The following CENATAC variants were observed in gnomAD, a reference collection of about 807,000 sequenced individuals.
The protein encoded by CENATAC is coiled-coil domain containing 84.
CENATAC carries 53 observed loss-of-function variants against 53.7 expected under a neutral mutation model. That is an observed-to-expected ratio of 0.99 (90% CI 0.79 to 1.24). CENATAC has a LOEUF of 1.24. Among genes scored for constraint, CENATAC ranks in the 50% most tolerant of loss-of-function variants. The pLI is 0.00. For synonymous variants in CENATAC, 156 were observed against 144.6 expected (o/e 1.08, Z -0.57); for missense variants, 474 against 417.8 (o/e 1.13, Z -1.17).
intron 7 of CENATAC, 53 bp downstream of exon 7, chr11:119,012,307 A>C (rs1592075918): frequency 7.6e-6 from 12 of 1,586,700 alleles, no homozygotes; most frequent in Middle Eastern, 1.8e-4. Flanking sequence ...AGGTCTCAGG[A>C]CCCCTTTCTC....
At chr11:119,006,229 A>G (rs1592061663) in intron 3 of CENATAC, among the ~76,000 whole-genome samples, 1 of 141,450 alleles carries the variant, frequency 7.1e-6, no homozygotes, top group Admixed American at 7.2e-5. Context: ...ACAGGCCACC[A>G]CACCCAACCT....
At position 119,015,738 on chromosome 11, in the gene CENATAC, C is replaced by G; in HGVS notation, c.*140C>G. The G allele has an allele frequency of 7.9e-7, 1 of 1,266,136 alleles. No individual in the cohort carries two copies. Among genetic ancestry groups the G allele is most frequent in the Non-Finnish European group, 1.1e-6 (1 of 884,786 alleles). The allele number at this position is 1,266,136 out of a possible 1,614,324, so 78.4% of individuals were successfully genotyped here. A position where few individuals can be genotyped will look rare whatever the true frequency, so the allele number is the denominator to read the frequency against. On this transcript the variant is annotated 3_prime_UTR_variant, in exon 11 of 11. Coordinates refer to ENST00000334418, the MANE Select transcript of CENATAC (RefSeq NM_198489.3). The stretch of plus-strand genomic sequence containing the variant: ...TTGATTTAATAAAGTTTTATTTTTC[C>G]AAATGTACAGCTGGTTGGACCTGTA...
At position 119,015,541 on chromosome 11, in the gene CENATAC, T is replaced by G; in HGVS notation, c.942T>G (p.His314Gln). The change falls in exon 11 of 11, where the codon CAT (histidine) becomes CAG (glutamine). Residue 314 changes from histidine to glutamine, a missense_variant. His to Gln is a conservative substitution (Grantham distance 24, BLOSUM62 0). Transcript: ENST00000334418. ...WNNGRRWQSR[H>Q]QFKTEAAAMK... is the part of the protein sequence containing the mutation. ...TTAACCCTTTATTTCCTTTCAGACA[T>G]CAATTCAAAACTGAAGCTGCAGCAA... The G allele has an allele frequency of 1.2e-6, 2 of 1,614,072 alleles. No individual in the cohort carries two copies. The highest frequency in any genetic ancestry group is 8.5e-7 in the Non-Finnish European group (1 of 1,179,984).
chr11:119,013,248 G>GT lies in CENATAC; in HGVS notation c.702dup (p.Asn235Ter). The GT allele has an allele frequency of 6.2e-7, 1 of 1,609,638 alleles. No homozygotes were observed. The highest frequency in any genetic ancestry group is 8.5e-7 in the Non-Finnish European group (1 of 1,178,184). ...CAACTACAGGATATACCAGGAGTTG[G>GT]TAACATCCACTCAGGTAAGGTCCAG... is the stretch of plus-strand genomic sequence containing the variant. On this transcript the variant is annotated frameshift_variant, in exon 8 of 11. Coordinates refer to ENST00000334418, the MANE Select transcript of CENATAC (RefSeq NM_198489.3). LOFTEE classifies it high-confidence loss of function.
At chr11:118,998,712 A>G (rs1328041000) in intron 2 of CENATAC, 119 bp downstream of exon 2, 9 of 1,307,980 alleles carry the variant, frequency 6.9e-6, no homozygotes, top group Non-Finnish European at 8.3e-6. Context: ...GGATTGAGTC[A>G]CTTCACAGGT....
At chr11:119,011,380 C>CTTT in intron 5 of CENATAC, 97 bp downstream of exon 5, 8 of 954,518 alleles carry the variant, frequency 8.4e-6, no homozygotes, top group Non-Finnish European at 1.2e-5. Flanking sequence ...TCTTCTTCTT[C>CTTT]TTTTTTTTTT....
Position 118,998,530 on chromosome 11 carries a change from G to A in CENATAC, c.221G>A (p.Arg74Gln), listed in dbSNP as rs1359523573. 2 of 1,604,314 alleles carry A rather than the reference G, an allele frequency of 1.2e-6. No individual in the cohort carries two copies. The highest frequency in any genetic ancestry group is 1.7e-6 in the Non-Finnish European group (2 of 1,175,424). Residue 74 changes from arginine (R) to glutamine (Q), a missense_variant, in exon 2 of 11, where the codon CGG becomes CAG. Coordinates refer to ENST00000334418, the MANE Select transcript of CENATAC (RefSeq NM_198489.3). Reference protein sequence around the residue: ...CWCLCCGCEVREHLSHGNLTV... With the variant: ...CWCLCCGCEVQEHLSHGNLTV... Reference sequence around the variant, plus strand: ...TGCCTGTGCTGCGGCTGTGAGGTGCGGGAACACCTGAGCCATGGAAACCTG... The same window carrying A: ...TGCCTGTGCTGCGGCTGTGAGGTGCAGGAACACCTGAGCCATGGAAACCTG...
intron 3 of CENATAC, among the ~76,000 whole-genome samples, chr11:119,008,489 A>C (rs1388072763): frequency 6.6e-6 from 1 of 152,216 alleles, no homozygotes; most frequent in East Asian, 1.9e-4. Context: ...ACTACAAGGC[A>C]GTATCACTGT....
chr11:118,998,402 G>A (rs375443880), intron 1 of CENATAC, 28 bp from the exon 2 acceptor site: 16 of 1,612,348 alleles, frequency 9.9e-6, no homozygotes, highest in Admixed American at 1.7e-5. Flanking sequence ...GGTCCCCCTC[G>A]GGGTTCTACT....
At position 119,011,073 on chromosome 11, in the gene CENATAC, C is replaced by G. The variant is rs911539650; in HGVS notation, c.451-148C>G. ...ACCACTGATCTGACAGGAGCTCAGG[C>G]GGCAGTGCTGTTGCAGCCTGCTTCC... On this transcript the variant is annotated intron_variant, in intron 4 of 10. Coordinates refer to ENST00000334418, the MANE Select transcript of CENATAC (RefSeq NM_198489.3). The G allele has an allele frequency of 1.3e-5, 9 of 680,346 alleles. No individual in the cohort carries two copies. The Admixed American group carries it at 2.5e-4, about 19-fold the overall frequency. The allele number at this position is 680,346 out of a possible 1,614,324, so 42.1% of individuals were successfully genotyped here.
At chr11:119,011,200 T>TA in intron 4 of CENATAC, 21 bp from the exon 5 acceptor site, 1 of 1,611,446 alleles carries the variant, frequency 6.2e-7, no homozygotes, top group South Asian at 1.1e-5. Flanking sequence ...TGTACCTGTC[T>TA]AAGCAGCCTC....
chr11:119,007,476 C>G (rs1356355165), intron 3 of CENATAC, among the ~76,000 whole-genome samples: 3 of 152,058 alleles, frequency 2.0e-5, no homozygotes, highest in African/African-American at 7.2e-5. Context: ...ACCACCTAAT[C>G]TGGCCTTTTT....
intron 8 of CENATAC, 69 bp downstream of exon 8, chr11:119,013,331 C>G: frequency 8.0e-7 from 1 of 1,243,940 alleles, no homozygotes; most frequent in South Asian, 1.3e-5. Flanking sequence ...GAGTCTTGTT[C>G]TGTCGCCAGG....
At chr11:119,005,480 AT>A (rs1555185335) in intron 3 of CENATAC, among the ~76,000 whole-genome samples, 39 of 143,908 alleles carry the variant, frequency 2.7e-4, no homozygotes, top group African/African-American at 4.6e-4. Flanking sequence ...AAAAAAAAAA[AT>A]TTTTTTTTTT....
rs560092016 is a variant in CENATAC, at chr11:118,998,493, C to A, written c.184C>A (p.Arg62=). Residue 62 remains arginine, a synonymous_variant, in exon 2 of 11, where the codon CGA becomes AGA. Transcript: ENST00000334418. ...QVERYVPEHE[R]CCWCLCCGCE... ...GGAGCGCTATGTGCCCGAACACGAG[C>A]GATGCTGCTGGTGCCTGTGCTGCGG... The A allele has an allele frequency of 6.2e-7, 1 of 1,613,156 alleles. No individual in the cohort carries two copies. Among genetic ancestry groups the A allele is most frequent in the South Asian group, 1.1e-5 (1 of 90,900 alleles).
At chr11:118,998,866 C>G (rs1942147458) in intron 2 of CENATAC, 145 bp from the exon 3 acceptor site, 1 of 709,210 alleles carries the variant, frequency 1.4e-6, no homozygotes, top group Non-Finnish European at 2.3e-6. Context: ...GACACGAGAT[C>G]TTGAAGAGAT....
At chr11:119,006,514 C>T (rs1256271141) in intron 3 of CENATAC, among the ~76,000 whole-genome samples, 8 of 152,030 alleles carry the variant, frequency 5.3e-5, no homozygotes, top group South Asian at 4.1e-4. Context: ...GGATTACAGG[C>T]GTAAGCCACC....
chr11:119,015,561 CAG>C lies in CENATAC; in HGVS notation c.963_964del (p.Ala322AsnfsTer76). ...AGACATCAATTCAAAACTGAAGCTG[CAG>C]CAATGAAGAAGCAGTCACATACAGA... On this transcript the variant is annotated frameshift_variant, in exon 11 of 11. Transcript: ENST00000334418. LOFTEE classifies it high-confidence loss of function. 6.2e-7 allele frequency: 1 copy of C among 1,614,144 alleles called. No individual in the cohort carries two copies. The highest frequency in any genetic ancestry group is 8.5e-7 in the Non-Finnish European group (1 of 1,180,020).
rs867717095 is a variant in CENATAC, at chr11:118,998,229, G to A, written c.32G>A (p.Arg11His). The A allele has an allele frequency of 6.3e-7, 1 of 1,584,676 alleles. No homozygotes were observed. Among genetic ancestry groups the A allele is most frequent in the Non-Finnish European group, 8.6e-7 (1 of 1,165,960 alleles). The change falls in exon 1 of 11, where the codon CGC (arginine) becomes CAC (histidine). Residue 11 changes from arginine (R) to histidine (H), a missense_variant. By Grantham distance (29) the Arg-to-His change is conservative (BLOSUM62 0). Coordinates refer to ENST00000334418, the MANE Select transcript of CENATAC (RefSeq NM_198489.3). Reference protein sequence around the residue: MAPAQRCPLCRQTFFCGRGHV... With the variant: MAPAQRCPLCHQTFFCGRGHV... ...CCGGCGCAGCGCTGCCCTCTGTGCC[G>A]CCAGACCTTCTTCTGTGGTCGCGGG...
Sources: allele counts gnomAD v4.1 joint callset (sites outside exome capture counted in the v4.1 genomes callset), GRCh38; gene constraint gnomAD v4.1.1; transcripts MANE v1.5; gene names NCBI Gene and HGNC (gene_info 2026-07-23, HGNC 2026-07-21).